PCDH15: variants seen among roughly 807,000 people sequenced by gnomAD.
PCDH15 encodes protocadherin related 15, also known as protocadherin-15.
In PCDH15, 129 loss-of-function variants were observed where a neutral mutation model predicts 178.5. The ratio of observed to expected loss-of-function variants is 0.72; its 90% confidence interval spans 0.63 to 0.84. PCDH15 has a LOEUF of 0.84. PCDH15 is among the 40% of genes least tolerant of loss of function. The pLI is 0.00. For synonymous variants in PCDH15, 800 were observed against 732.0 expected (o/e 1.09, Z -1.50); for missense variants, 2,230 against 2,099.9 (o/e 1.06, Z -1.21).
chr10:55,389,546 G>C (rs1455959136), intron 2 of PCDH15, among the ~76,000 whole-genome samples: 1 of 152,052 alleles, frequency 6.6e-6, no homozygotes, highest in African/African-American at 2.4e-5. Flanking sequence ...GAAATATGTG[G>C]AGTTGTTAAC....
chr10:54,089,922 C>T, intron 16 of PCDH15, 62 bp downstream of exon 16: 2 of 1,303,404 alleles, frequency 1.5e-6, no homozygotes, highest in Non-Finnish European at 2.2e-6. Flanking sequence ...TAGAAGTCTG[C>T]TTTCTTACTA....
chr10:54,341,003 G>A (rs1001029695), intron 6 of PCDH15, among the ~76,000 whole-genome samples: 1 of 152,148 alleles, frequency 6.6e-6, no homozygotes. Context: ...TTGGGAAGCT[G>A]CTGATCACCA....
chr10:54,808,438 G>A (rs1417989423), intron 3 of PCDH15, among the ~76,000 whole-genome samples: 1 of 152,160 alleles, frequency 6.6e-6, no homozygotes, highest in Non-Finnish European at 1.5e-5. Flanking sequence ...GCATGGTAGA[G>A]CAGATTGAAA....
intron 2 of PCDH15, among the ~76,000 whole-genome samples, chr10:55,558,260 T>C (rs139835943): frequency 1.0e-3 from 157 of 152,282 alleles, no homozygotes; most frequent in African/African-American, 3.5e-3. Flanking sequence ...GGCACTATAG[T>C]TTGAGAGGAT....
intron 2 of PCDH15, among the ~76,000 whole-genome samples, chr10:54,596,373 A>C (rs2134004773): frequency 6.6e-6 from 1 of 152,260 alleles, no homozygotes; most frequent in Non-Finnish European, 1.5e-5. Context: ...AAGCTTCCTA[A>C]GTGAAGGGAA....
chr10:55,045,908 A>G (rs890441499), intron 2 of PCDH15, among the ~76,000 whole-genome samples: 3 of 152,042 alleles, frequency 2.0e-5, no homozygotes, highest in Non-Finnish European at 2.9e-5. Context: ...TGGAAAAAAA[A>G]GGTAGAAATA....
At chr10:54,589,147 A>G (rs2091710968) in intron 2 of PCDH15, among the ~76,000 whole-genome samples, 1 of 152,098 alleles carries the variant, frequency 6.6e-6, no homozygotes, top group Non-Finnish European at 1.5e-5. Flanking sequence ...GAAGAGTCTA[A>G]AGGAAATTTC....
intron 5 of PCDH15, among the ~76,000 whole-genome samples, chr10:54,354,363 G>T (rs1424727630): frequency 6.6e-6 from 1 of 152,154 alleles, no homozygotes; most frequent in Admixed American, 6.6e-5. Flanking sequence ...CCACGTACAT[G>T]CTTAAAGTAA....
At chr10:55,462,463 T>G (rs778637536) in intron 2 of PCDH15, among the ~76,000 whole-genome samples, 1 of 152,122 alleles carries the variant, frequency 6.6e-6, no homozygotes, top group Non-Finnish European at 1.5e-5. Context: ...GCCAGGAAAT[T>G]TTATAACTTC....
At chr10:55,364,417 T>A (rs1433696314) in intron 2 of PCDH15, among the ~76,000 whole-genome samples, 1 of 152,186 alleles carries the variant, frequency 6.6e-6, no homozygotes, top group Non-Finnish European at 1.5e-5. Flanking sequence ...CTGGTTTCCA[T>A]GGTTTCTTCT....
At chr10:55,494,066 A>T in intron 2 of PCDH15, among the ~76,000 whole-genome samples, 1 of 151,840 alleles carries the variant, frequency 6.6e-6, no homozygotes. Context: ...GTCTACATAC[A>T]TTACATGTTG....
intron 8 of PCDH15, among the ~76,000 whole-genome samples, chr10:54,278,681 A>C (rs925656519): frequency 6.6e-6 from 1 of 151,558 alleles, no homozygotes; most frequent in Non-Finnish European, 1.5e-5. Context: ...AGTTGAGATC[A>C]TTTTGTCAGC....
intron 2 of PCDH15, among the ~76,000 whole-genome samples, chr10:55,369,725 A>G (rs1302256159): frequency 1.3e-5 from 2 of 152,204 alleles, no homozygotes; most frequent in East Asian, 3.9e-4. Context: ...GTGAGATCAT[A>G]TTATCTAATG....
At chr10:54,405,230 T>C (rs1381725207) in intron 3 of PCDH15, among the ~76,000 whole-genome samples, 2 of 152,078 alleles carry the variant, frequency 1.3e-5, no homozygotes, top group African/African-American at 4.8e-5. Context: ...CTATTCACAG[T>C]AGCAAAGACA....
chr10:54,853,316 T>TATATATATATACACATATACACATATAC, intron 3 of PCDH15, among the ~76,000 whole-genome samples: 1 of 115,132 alleles, frequency 8.7e-6, no homozygotes, highest in South Asian at 2.9e-4. Flanking sequence ...TATATATATA[T>TATATATATATACACATATACACATATAC]ATACATACAC....
Position 54,885,147 on chromosome 10 carries a change from A to C in PCDH15, c.-29+12303T>G, listed in dbSNP as rs1250064362. 2.6e-5 allele frequency among the ~76,000 whole-genome samples: 4 copies of C among 152,210 alleles called. No individual in the cohort carries two copies. In the South Asian group the frequency reaches 8.3e-4, roughly 32 times the overall value. On this transcript the variant is annotated intron_variant, in intron 3 of 5. Transcript: ENST00000458638. ...ATGATCTTGAAAATTAAATAATTAA[A>C]TGACCAAAAATCAAGTTGTTTTGGT...
intron 27 of PCDH15, among the ~76,000 whole-genome samples, chr10:53,864,987 G>T (rs952241856): frequency 6.6e-6 from 1 of 151,980 alleles, no homozygotes; most frequent in Non-Finnish European, 1.5e-5. Flanking sequence ...TGCAGTCCTA[G>T]GTGCTAGGGT....
chr10:54,827,633 A>C (rs571987691), intron 3 of PCDH15, among the ~76,000 whole-genome samples: 2 of 152,118 alleles, frequency 1.3e-5, no homozygotes, highest in Admixed American at 6.6e-5. Flanking sequence ...CTGATTTTCA[A>C]CATAGAAGAT....
chr10:54,574,616 T>G (rs4573599), intron 2 of PCDH15, among the ~76,000 whole-genome samples: 122,396 of 131,220 alleles, frequency 0.93, 57,394 homozygotes, highest in Middle Eastern at 0.98. Flanking sequence ...TCTCACACCA[T>G]TTAGAATGGC....
Sources: gnomAD v4.1 joint callset for allele counts (sites outside exome capture counted in the v4.1 genomes callset) on GRCh38, gnomAD v4.1.1 for gene constraint, MANE v1.5 for transcripts, NCBI Gene and HGNC (gene_info 2026-07-23, HGNC 2026-07-21) for gene names.